Variants in GRID2 observed in about 807,000 individuals in gnomAD.
GRID2 encodes glutamate ionotropic receptor delta type subunit 2, also known as glutamate receptor ionotropic, delta-2.
A neutral mutation model predicts 114.8 loss-of-function variants in GRID2; 33 were observed. The observed-to-expected ratio is 0.29, with a 90% confidence interval of 0.22 to 0.38. The LOEUF is 0.38. Among genes scored for constraint, GRID2 ranks in the 10% least tolerant of loss-of-function variants. The pLI is 1.00. For synonymous variants in GRID2, 505 were observed against 449.9 expected, an observed-to-expected ratio of 1.12 and a Z score of -1.55; for missense variants, 1,184 against 1,257.7, an observed-to-expected ratio of 0.94 and a Z score of 0.89.
At chr4:92,820,142 G>T (rs1741179191) in intron 2 of GRID2, among the ~76,000 whole-genome samples, 1 of 152,082 alleles carries the variant, frequency 6.6e-6, no homozygotes, top group Admixed American at 6.6e-5. Context: ...CCTGAGACAT[G>T]GGAATTAATG....
chr4:93,661,740 A>G (rs1723512738), intron 14 of GRID2, among the ~76,000 whole-genome samples: 1 of 152,182 alleles, frequency 6.6e-6, no homozygotes, highest in African/African-American at 2.4e-5. Context: ...GACTATCACT[A>G]CCATGAATAA....
At chr4:93,043,736 G>A (rs1055266870) in intron 2 of GRID2, among the ~76,000 whole-genome samples, 3 of 151,930 alleles carry the variant, frequency 2.0e-5, no homozygotes, top group Non-Finnish European at 4.4e-5. Flanking sequence ...ACACAGGAAG[G>A]GGAACATCAA....
In GRID2 at chr4:92,473,948, C is replaced by A. The variant is rs181226639; in HGVS notation, c.89-116183C>A. On this transcript the variant is annotated intron_variant, in intron 1 of 15. Coordinates refer to ENST00000282020, the MANE Select transcript of GRID2 (RefSeq NM_001510.4). ...TAGCTAAAAATCATACCCATCACCTCAAATTGTTATCTTGGTTGTGTGTGT... is the reference window on the plus strand; with the variant it reads ...TAGCTAAAAATCATACCCATCACCTAAAATTGTTATCTTGGTTGTGTGTGT... Among the ~76,000 whole-genome samples, 437 of 144,532 alleles carry A rather than the reference C, an allele frequency of 3.0e-3. 3 individuals are homozygous for A. The highest frequency in any genetic ancestry group is 0.01 in the African/African-American group (400 of 39,106). 94.8% of individuals were successfully genotyped at this position (144,532 alleles called of 152,430 possible). A position where few individuals can be genotyped will look rare whatever the true frequency, so the allele number is the denominator to read the frequency against.
intron 8 of GRID2, among the ~76,000 whole-genome samples, chr4:93,355,164 C>A (rs1390875552): frequency 6.6e-6 from 1 of 151,798 alleles, no homozygotes; most frequent in Non-Finnish European, 1.5e-5. Flanking sequence ...CAGACTGTTT[C>A]CATTACTTAC....
At chr4:92,566,286 GT>G (rs374559187) in intron 1 of GRID2, among the ~76,000 whole-genome samples, 156 of 150,774 alleles carry the variant, frequency 1.0e-3, no homozygotes, top group African/African-American at 3.3e-3. Context: ...AAATATTTCT[GT>G]TTTTTTTTAA....
intron 2 of GRID2, among the ~76,000 whole-genome samples, chr4:92,924,098 A>G (rs933005358): frequency 6.6e-6 from 1 of 152,216 alleles, no homozygotes; most frequent in African/African-American, 2.4e-5. Flanking sequence ...TGTCCTTTGT[A>G]GGGACATGGA....
At chr4:92,761,039 T>A (rs1737986081) in intron 2 of GRID2, among the ~76,000 whole-genome samples, 1 of 152,194 alleles carries the variant, frequency 6.6e-6, no homozygotes, top group Non-Finnish European at 1.5e-5. Flanking sequence ...CTATTTCATG[T>A]GTTTGATTTA....
At chr4:93,380,206 G>A (rs1349452073) in intron 8 of GRID2, among the ~76,000 whole-genome samples, 1 of 151,956 alleles carries the variant, frequency 6.6e-6, no homozygotes. Context: ...AAGACATACG[G>A]GGATTTAAAA....
In GRID2 at chr4:93,762,867, T is replaced by C. The variant is rs570860630; in HGVS notation, c.2361-6343T>C. 3.9e-5 allele frequency among the ~76,000 whole-genome samples: 6 copies of C among 152,130 alleles called. No individual in the cohort carries two copies. The East Asian group carries it at 9.7e-4, about 25-fold the overall frequency. Reference sequence around the variant, plus strand: ...CTGCCTTGGGCCCCTCCACAGTGAATAACAAGGTGAGGTCATCATACCATC... The same window carrying C: ...CTGCCTTGGGCCCCTCCACAGTGAACAACAAGGTGAGGTCATCATACCATC... On this transcript the variant is annotated intron_variant, in intron 14 of 15. Transcript: ENST00000282020.
chr4:93,330,376 G>T (rs752523), intron 8 of GRID2, among the ~76,000 whole-genome samples: 2,557 of 152,182 alleles, frequency 0.017, 80 homozygotes, highest in African/African-American at 0.058. Flanking sequence ...CCATCACATG[G>T]GTGATTACCA....
chr4:93,565,253 A>T (rs1735293798), intron 13 of GRID2, among the ~76,000 whole-genome samples: 1 of 152,110 alleles, frequency 6.6e-6, no homozygotes, highest in African/African-American at 2.4e-5. Context: ...CACCACACAC[A>T]TGAGATTACC....
At chr4:93,188,850 C>T (rs1182217297) in intron 4 of GRID2, among the ~76,000 whole-genome samples, 2 of 152,158 alleles carry the variant, frequency 1.3e-5, no homozygotes, top group African/African-American at 2.4e-5. Flanking sequence ...TTCCTTGTCA[C>T]TTAATAACAA....
intron 2 of GRID2, among the ~76,000 whole-genome samples, chr4:92,857,359 ATG>A (rs1744246453): frequency 6.6e-6 from 1 of 152,186 alleles, no homozygotes; most frequent in Non-Finnish European, 1.5e-5. Flanking sequence ...AAAGTTGTGA[ATG>A]TACAGGGTGT....
intron 1 of GRID2, among the ~76,000 whole-genome samples, chr4:92,555,041 C>G (rs532746618): frequency 1.9e-4 from 29 of 152,056 alleles, no homozygotes; most frequent in Non-Finnish European, 3.1e-4. Context: ...GAATATTTTT[C>G]AAAAAGAGAA....
At chr4:93,006,762 GT>G (rs1242489127) in intron 2 of GRID2, among the ~76,000 whole-genome samples, 1 of 151,396 alleles carries the variant, frequency 6.6e-6, no homozygotes, top group African/African-American at 2.4e-5. Context: ...GTGGTTGCTT[GT>G]TTAGGAAAAC....
chr4:93,337,952 C>A (rs1294636747), intron 8 of GRID2, among the ~76,000 whole-genome samples: 2 of 152,152 alleles, frequency 1.3e-5, no homozygotes, highest in African/African-American at 4.8e-5. Flanking sequence ...AGTCCCTCTC[C>A]TCAGAAGTAA....
chr4:92,871,896 T>C (rs1745306793), intron 2 of GRID2, among the ~76,000 whole-genome samples: 1 of 152,172 alleles, frequency 6.6e-6, no homozygotes, highest in Non-Finnish European at 1.5e-5. Context: ...CTCTTTTTCC[T>C]GTGAGTTTCT....
At chr4:92,536,988 C>G (rs1725669537) in intron 1 of GRID2, among the ~76,000 whole-genome samples, 1 of 152,104 alleles carries the variant, frequency 6.6e-6, no homozygotes, top group Admixed American at 6.6e-5. Context: ...ATTGTAAATA[C>G]TCAGAGAAAA....
At chr4:92,689,432 C>T (rs574919793) in intron 2 of GRID2, among the ~76,000 whole-genome samples, 4 of 152,248 alleles carry the variant, frequency 2.6e-5, no homozygotes, top group East Asian at 3.9e-4. Context: ...AATCAGGGGT[C>T]CCCAACCACG....
Sources: gnomAD v4.1 joint callset for allele counts (sites outside exome capture counted in the v4.1 genomes callset) on GRCh38, gnomAD v4.1.1 for gene constraint, MANE v1.5 for transcripts, NCBI Gene and HGNC (gene_info 2026-07-23, HGNC 2026-07-21) for gene names.